The following CLEC16A variants were observed in gnomAD, a reference collection of about 807,000 sequenced individuals.
CLEC16A encodes protein CLEC16A.
In CLEC16A, 51 loss-of-function variants were observed where a neutral mutation model predicts 109.5. The ratio of observed to expected loss-of-function variants is 0.47; its 90% CI spans 0.37 to 0.59. The LOEUF (loss-of-function observed/expected upper bound fraction) is 0.59. Ranked by LOEUF, CLEC16A falls within the 20% of genes least tolerant of loss-of-function variation. The pLI is 0.00. For missense variants in CLEC16A, 1,339 were observed against 1,394.0 expected (o/e 0.96, Z 0.63); for synonymous variants, 673 against 564.2 (o/e 1.19, Z -2.73).
chr16:11,168,123 A>G (rs1318588184), intron 23 of CLEC16A, among the ~76,000 whole-genome samples: 2 of 152,204 alleles, frequency 1.3e-5, no homozygotes, highest in African/African-American at 2.4e-5. Flanking sequence ...AAAGACCCAC[A>G]GTATCAAAAA....
chr16:11,008,826 T>TAAAAA (rs35514760), intron 11 of CLEC16A, among the ~76,000 whole-genome samples: 11 of 86,272 alleles, frequency 1.3e-4, no homozygotes, highest in African/African-American at 4.7e-4. Flanking sequence ...CCGTCTCTAC[T>TAAAAA]AAAAAAAAAA....
chr16:11,144,902 T>A (rs2053988415), intron 22 of CLEC16A, among the ~76,000 whole-genome samples: 1 of 152,114 alleles, frequency 6.6e-6, no homozygotes. Flanking sequence ...GGAAATGGGT[T>A]CTGGATGGCC....
intron 3 of CLEC16A, 125 bp from the exon 4 acceptor site, chr16:10,969,036 T>C (rs1321062057): frequency 7.3e-6 from 5 of 682,576 alleles, no homozygotes; most frequent in Non-Finnish European, 9.6e-6. Context: ...TCCCAGTTAG[T>C]GTGTTTAATC....
At chr16:11,091,370 CTGGCCCCAG>C (rs1489051816) in intron 19 of CLEC16A, among the ~76,000 whole-genome samples, 1 of 152,248 alleles carries the variant, frequency 6.6e-6, no homozygotes. Context: ...GCCCCCGGGT[CTGGCCCCAG>C]TGGCGCCTGA....
chr16:11,107,272 A>T (rs2051281426), intron 19 of CLEC16A, among the ~76,000 whole-genome samples: 1 of 151,698 alleles, frequency 6.6e-6, no homozygotes, highest in South Asian at 2.1e-4. Context: ...TTCATGTTAG[A>T]GGGTGCGGCT....
chr16:11,053,134 T>G (rs2048037254), intron 18 of CLEC16A, among the ~76,000 whole-genome samples: 1 of 152,106 alleles, frequency 6.6e-6, no homozygotes, highest in Non-Finnish European at 1.5e-5. Flanking sequence ...CAAGCCATCC[T>G]CCTGCCTTGG....
Position 11,162,386 on chromosome 16 carries a change from A to G in CLEC16A, c.2642-4002A>G, listed in dbSNP as rs542480170. On this transcript the variant is annotated intron_variant, in intron 22 of 23. Coordinates refer to ENST00000409790, the MANE Select transcript of CLEC16A (RefSeq NM_015226.3). ...ATGTTAGGATCGGGAGCTTGAGTCT[A>G]TCCAGTTCCCAGGCAGTTTGTGTTC... Among the ~76,000 whole-genome samples, 3 of 152,334 alleles carry G rather than the reference A, an allele frequency of 2.0e-5. No homozygotes were observed. The East Asian group carries it at 5.8e-4, about 29-fold the overall frequency.
chr16:11,070,011 C>T (rs904880324), intron 19 of CLEC16A, among the ~76,000 whole-genome samples: 13 of 152,010 alleles, frequency 8.6e-5, no homozygotes, highest in African/African-American at 3.1e-4. Context: ...GGAGGGACGA[C>T]TGTATTGTCA....
chr16:10,966,077 C>T (rs1030128121), intron 3 of CLEC16A, among the ~76,000 whole-genome samples: 3 of 152,136 alleles, frequency 2.0e-5, no homozygotes, highest in Admixed American at 2.0e-4. Flanking sequence ...GCCAGAATGA[C>T]ACAGAAAGAA....
intron 19 of CLEC16A, among the ~76,000 whole-genome samples, chr16:11,084,995 G>A (rs1001825169): frequency 2.0e-5 from 3 of 152,216 alleles, no homozygotes; most frequent in Admixed American, 1.3e-4. Context: ...CCTCTCCTTG[G>A]CCCTGGATAT....
intron 10 of CLEC16A, among the ~76,000 whole-genome samples, chr16:10,984,473 T>C (rs1490624578): frequency 6.6e-6 from 1 of 152,060 alleles, no homozygotes; most frequent in Non-Finnish European, 1.5e-5. Context: ...TCATAAAGAG[T>C]CTGTGCCGTA....
chr16:11,106,443 C>A (rs1041199703), intron 19 of CLEC16A, among the ~76,000 whole-genome samples: 5 of 149,476 alleles, frequency 3.3e-5, no homozygotes, highest in Non-Finnish European at 7.4e-5. Flanking sequence ...TGTGAGCCAC[C>A]ACACCCAGCC....
intron 23 of CLEC16A, among the ~76,000 whole-genome samples, chr16:11,167,827 C>G (rs1368780607): frequency 6.6e-6 from 1 of 152,196 alleles, no homozygotes; most frequent in Non-Finnish European, 1.5e-5. Flanking sequence ...CAAGCAGATG[C>G]CACCCCTGTT....
At position 11,088,660 on chromosome 16, in the gene CLEC16A, G is replaced by A. The variant is rs543792527; in HGVS notation, c.2116+27638G>A. Among the ~76,000 whole-genome samples, 6 of 152,254 alleles carry A rather than the reference G, an allele frequency of 3.9e-5. No individual in the cohort carries two copies. The East Asian group carries it at 7.7e-4, about 20-fold the overall frequency. On this transcript the variant is annotated intron_variant, in intron 19 of 23. Coordinates refer to ENST00000409790, the MANE Select transcript of CLEC16A (RefSeq NM_015226.3). Reference sequence around the variant, plus strand: ...TTCTCCAGAGAGGGCTGTGATGTGCGGCTAGAGGCAGTGCTTGGCACCCCT... The same window carrying A: ...TTCTCCAGAGAGGGCTGTGATGTGCAGCTAGAGGCAGTGCTTGGCACCCCT...
At chr16:10,964,436 C>A (rs879298697) in intron 3 of CLEC16A, among the ~76,000 whole-genome samples, 1 of 152,218 alleles carries the variant, frequency 6.6e-6, no homozygotes, top group South Asian at 2.1e-4. Flanking sequence ...GCTCCCTGCA[C>A]GTGCCTGGAC....
rs370262802 is a variant in CLEC16A, at chr16:11,169,240, C to T, written c.2806+2688C>T. Among the ~76,000 whole-genome samples the T allele has an allele frequency of 2.0e-5, 3 of 152,182 alleles. No individual in the cohort carries two copies. The South Asian group carries it at 6.2e-4, about 32-fold the overall frequency. On this transcript the variant is annotated intron_variant, in intron 23 of 23. Transcript: ENST00000409790. ...GAGCGGCTGCCAGACCCTCCGAAGT[C>T]AGAACTAGGAAACCCCAGTGGCTTC...
At position 10,977,444 on chromosome 16, in the gene CLEC16A, G is replaced by A. The variant is rs373277370; in HGVS notation, c.903+45G>A. On this transcript the variant is annotated intron_variant, in intron 8 of 23. Coordinates refer to ENST00000409790, the MANE Select transcript of CLEC16A (RefSeq NM_015226.3). ...TCCCGCTGGCTGAAGGCCATCAGAA[G>A]TGGGGAAGAACAGTCCCCAGTCCCC... is the stretch of plus-strand genomic sequence containing the variant. The A allele has an allele frequency of 6.4e-6, 10 of 1,570,222 alleles. No homozygotes were observed. In the East Asian group the frequency reaches 1.4e-4, roughly 22 times the overall value.
chr16:11,029,359 G>C (rs1409293868), intron 13 of CLEC16A, among the ~76,000 whole-genome samples: 3 of 151,932 alleles, frequency 2.0e-5, no homozygotes, highest in Non-Finnish European at 1.5e-5. Flanking sequence ...AACACAGCAA[G>C]GTTCTAAAGG....
At chr16:11,079,726 C>T (rs972244121) in intron 19 of CLEC16A, among the ~76,000 whole-genome samples, 2 of 152,124 alleles carry the variant, frequency 1.3e-5, no homozygotes, top group African/African-American at 2.4e-5. Context: ...TAAATGACTC[C>T]GGTTAACCTT....
Sources: allele counts gnomAD v4.1 joint callset (sites outside exome capture counted in the v4.1 genomes callset), GRCh38; gene constraint gnomAD v4.1.1; transcripts MANE v1.5; gene names NCBI Gene and HGNC (gene_info 2026-07-23, HGNC 2026-07-21).